The following USH2A variants were observed in gnomAD, a reference collection of about 807,000 sequenced individuals.
USH2A encodes Usher syndrome 2A (autosomal recessive, mild).
In USH2A, 443 loss-of-function variants were observed where a neutral mutation model predicts 538.9. That is an observed-to-expected ratio of 0.82 (90% confidence interval 0.76 to 0.89). The LOEUF (loss-of-function observed/expected upper bound fraction) is 0.89, where lower values mean the gene tolerates loss of function less well. USH2A is among the 40% of genes least tolerant of loss of function. The pLI is 0.00. For missense variants in USH2A, 6,633 were observed against 6,324.8 expected (o/e 1.05, Z -1.65); for synonymous variants, 2,413 against 2,273.5 (o/e 1.06, Z -1.75).
At chr1:215,929,126 T>C (rs1666303323) in intron 38 of USH2A, among the ~76,000 whole-genome samples, 1 of 144,980 alleles carries the variant, frequency 6.9e-6, no homozygotes, top group Non-Finnish European at 1.5e-5. Context: ...AATTTCAAAT[T>C]ACTTGCTTTG....
rs199968998 is a variant in USH2A at position 215,782,065 on chromosome 1, C to G, written c.10717G>C (p.Ala3573Pro). 1 of 1,613,906 alleles carries G rather than the reference C, an allele frequency of 6.2e-7. No homozygotes were observed. The highest frequency in any genetic ancestry group is 1.7e-5 in the Admixed American group (1 of 60,008). Residue 3573 changes from alanine to proline, a missense_variant, in exon 54 of 72, where the codon GCT becomes CCT. By Grantham distance (27) the Ala-to-Pro change is conservative (BLOSUM62 -1). Transcript: ENST00000307340. ...ACCTTGCTACTGGTGGCACAGCCAG[C>G]AACCGTGCAAGCTTTCAGCTGATAT... ...YSYQLKACTV[A>P]GCATSSKVVA... is the part of the protein sequence containing the mutation.
intron 47 of USH2A, among the ~76,000 whole-genome samples, chr1:215,830,989 G>A (rs767658625): frequency 4.1e-4 from 63 of 152,198 alleles, no homozygotes; most frequent in African/African-American, 1.1e-3. Context: ...TTTTTATAAC[G>A]TAATATTCAA....
chr1:215,659,311 G>A (rs1018540389), intron 64 of USH2A, among the ~76,000 whole-genome samples: 1 of 152,148 alleles, frequency 6.6e-6, no homozygotes, highest in Non-Finnish European at 1.5e-5. Context: ...ATGTGCAAAG[G>A]CCTTAAGGCT....
intron 61 of USH2A, among the ~76,000 whole-genome samples, chr1:215,724,811 A>T (rs1294274835): frequency 2.0e-5 from 3 of 152,186 alleles, no homozygotes; most frequent in Non-Finnish European, 4.4e-5. Context: ...TTGGTATTCA[A>T]TATTGACATA....
At chr1:216,014,445 A>G (rs969613921) in intron 32 of USH2A, among the ~76,000 whole-genome samples, 1 of 152,192 alleles carries the variant, frequency 6.6e-6, no homozygotes. Context: ...ACTGCAACTG[A>G]TTTGGTAATA....
chr1:215,676,392 T>A (rs907053728), intron 62 of USH2A, among the ~76,000 whole-genome samples: 1 of 152,154 alleles, frequency 6.6e-6, no homozygotes, highest in Non-Finnish European at 1.5e-5. Flanking sequence ...TTAATCTGAA[T>A]GCAGGTGTTT....
At chr1:216,092,825 T>C (rs1198523635) in intron 22 of USH2A, among the ~76,000 whole-genome samples, 1 of 152,154 alleles carries the variant, frequency 6.6e-6, no homozygotes, top group Non-Finnish European at 1.5e-5. Context: ...TCAACCCATA[T>C]CTTGTATTTT....
At chr1:216,170,649 C>T (rs1028009083) in intron 21 of USH2A, among the ~76,000 whole-genome samples, 1 of 151,978 alleles carries the variant, frequency 6.6e-6, no homozygotes, top group Non-Finnish European at 1.5e-5. Context: ...CCTGTTTTCG[C>T]TAATAGGAAA....
intron 32 of USH2A, among the ~76,000 whole-genome samples, chr1:216,046,092 C>T (rs2030509677): frequency 6.9e-6 from 1 of 144,072 alleles, no homozygotes; most frequent in Non-Finnish European, 1.5e-5. Context: ...GTTCCAGGAC[C>T]CTCTACTGAT....
chr1:216,035,334 G>A (rs1282920006), intron 32 of USH2A, among the ~76,000 whole-genome samples: 1 of 152,102 alleles, frequency 6.6e-6, no homozygotes, highest in Non-Finnish European at 1.5e-5. Flanking sequence ...AGCACACAGG[G>A]AAAACATTAT....
intron 61 of USH2A, among the ~76,000 whole-genome samples, chr1:215,710,782 A>C (rs1326374120): frequency 6.6e-6 from 1 of 152,142 alleles, no homozygotes; most frequent in East Asian, 1.9e-4. Context: ...GTAGACCCTT[A>C]ATTTTCTGAA....
At chr1:215,962,496 G>A (rs556271532) in intron 37 of USH2A, among the ~76,000 whole-genome samples, 11 of 152,122 alleles carry the variant, frequency 7.2e-5, no homozygotes, top group African/African-American at 1.9e-4. Flanking sequence ...GAGGAAGCTC[G>A]TTAGGAATTG....
chr1:216,145,963 G>T (rs1239304331), intron 21 of USH2A, among the ~76,000 whole-genome samples: 1 of 152,000 alleles, frequency 6.6e-6, no homozygotes, highest in Non-Finnish European at 1.5e-5. Context: ...TCTCTTTTCG[G>T]ACTCAGCCCA....
Position 215,647,684 on chromosome 1 carries a change from G to C in USH2A, c.14629C>G (p.Pro4877Ala). 6.2e-7 allele frequency: 1 copy of C among 1,614,188 alleles called. No individual in the cohort carries two copies. Among genetic ancestry groups the C allele is most frequent in the African/African-American group, 1.3e-5 (1 of 75,030 alleles). The change falls in exon 67 of 72, where the codon CCC becomes GCC. Residue 4877 changes from proline (P) to alanine (A), a missense_variant. Transcript: ENST00000307340. ...HVACPPDSALPCTPSQIETKY... is the reference protein window; with the variant it reads ...HVACPPDSALACTPSQIETKY... ...GTTTCTATTTGGCTGGGAGTACAGG[G>C]GAGGGCTGAGTCAGGAGGGCAAGCC...
intron 61 of USH2A, among the ~76,000 whole-genome samples, chr1:215,717,171 T>C (rs4655286): frequency 6.6e-6 from 1 of 152,018 alleles, no homozygotes; most frequent in Non-Finnish European, 1.5e-5. Flanking sequence ...TATTGGCTCT[T>C]AGACAACAAG....
At chr1:216,072,663 G>A (rs2031594418) in intron 29 of USH2A, 4 of 570,100 alleles carry the variant, frequency 7.0e-6, no homozygotes, top group Non-Finnish European at 9.4e-6. Context: ...ATCCTAAGAG[G>A]AAAGGATCAA....
intron 32 of USH2A, among the ~76,000 whole-genome samples, chr1:216,045,921 AC>A (rs566346247): frequency 1.6e-4 from 25 of 152,212 alleles, no homozygotes; most frequent in African/African-American, 5.8e-4. Flanking sequence ...TCAAGATCAT[AC>A]AATTGGAGTG....
At chr1:215,910,701 A>T (rs1245729273) in intron 38 of USH2A, among the ~76,000 whole-genome samples, 1 of 151,908 alleles carries the variant, frequency 6.6e-6, no homozygotes, top group African/African-American at 2.4e-5. Flanking sequence ...TAGTAACATC[A>T]ATCAAAGTAT....
intron 4 of USH2A, among the ~76,000 whole-genome samples, chr1:216,355,945 C>T (rs958907288): frequency 3.9e-5 from 6 of 152,002 alleles, no homozygotes; most frequent in African/African-American, 1.5e-4. Context: ...GAATACCTAA[C>T]ATGAATCAAA....
Sources: allele counts gnomAD v4.1 joint callset (sites outside exome capture counted in the v4.1 genomes callset), GRCh38; gene constraint gnomAD v4.1.1; transcripts MANE v1.5; gene names NCBI Gene and HGNC (gene_info 2026-07-23, HGNC 2026-07-21).